ADCY7: variants seen among roughly 807,000 people sequenced by gnomAD.
The protein encoded by ADCY7 is adenylate cyclase type 7.
Under a neutral mutation model 120.6 loss-of-function variants are expected in ADCY7, and 72 were observed. That is an observed-to-expected ratio of 0.60 (90% CI 0.49 to 0.73). The LOEUF (loss-of-function observed/expected upper bound fraction) is 0.73, where lower values mean the gene tolerates loss of function less well. Among genes scored for constraint, ADCY7 ranks in the 30% least tolerant of loss-of-function variants. ADCY7 has a pLI of 0.00. For synonymous variants in ADCY7, 661 were observed against 628.0 expected, an observed-to-expected ratio of 1.05 and a Z score of -0.78; for missense variants, 1,227 against 1,486.0, an observed-to-expected ratio of 0.83 and a Z score of 2.87.
At chr16:50,263,998 A>G (rs1596805894), upstream of ADCY7, among the ~76,000 whole-genome samples, 1 of 152,178 alleles carries the variant, frequency 6.6e-6, no homozygotes, top group Admixed American at 6.5e-5. Context: ...GGTAATTTAC[A>G]TACAGGCAAG....
rs1306531246 is a variant in ADCY7, at chr16:50,290,646, T to C, written c.361T>C (p.Cys121Arg). 1 of 1,613,464 alleles carries C rather than the reference T, an allele frequency of 6.2e-7. No individual in the cohort carries two copies. Among genetic ancestry groups the C allele is most frequent in the Admixed American group, 1.7e-5 (1 of 60,004 alleles). ...GTTCGACGCATGGACAAAGGCGGCCTGTGCGTGGGAGCAGGTAACAGGAAC... is the reference window on the plus strand; with the variant it reads ...GTTCGACGCATGGACAAAGGCGGCCCGTGCGTGGGAGCAGGTAACAGGAAC... ...LVFDAWTKAACAWEQVPFFLF... is the reference protein window; with the variant it reads ...LVFDAWTKAARAWEQVPFFLF... The change falls in exon 3 of 26, where the codon TGT becomes CGT. Residue 121 changes from cysteine (C) to arginine (R), a missense_variant. This residue lies in a region of ADCY7 where 382 missense variants were observed against 411.4 expected (regional missense o/e 0.93). Transcript: ENST00000673801.
rs966714090 is a variant in ADCY7, at chr16:50,308,588, C to T, written c.1936-79C>T. On this transcript the variant is annotated intron_variant, in intron 16 of 25. Transcript: ENST00000673801. ...GCCCTGGAGGCTTCTCCCGAGGATA[C>T]CCCTCCCCAGGCTGCCAGCGACCAG... 3.9e-6 allele frequency: 6 copies of T among 1,558,258 alleles called. No individual in the cohort carries two copies. In the South Asian group the frequency reaches 4.8e-5, roughly 12 times the overall value.
intron 1 of ADCY7, among the ~76,000 whole-genome samples, chr16:50,267,670 C>G (rs1041190749): frequency 6.6e-6 from 1 of 152,034 alleles, no homozygotes; most frequent in Non-Finnish European, 1.5e-5. Context: ...GGGGTTCTAG[C>G]CTGTGTGTGG....
upstream of ADCY7, chr16:50,266,374 A>C (rs140874000): frequency 8.5e-5 from 13 of 152,790 alleles, no homozygotes; most frequent in African/African-American, 3.1e-4. Flanking sequence ...AAGTCATTGG[A>C]GCCCGACAGC....
Position 50,258,193 on chromosome 16 carries a change from G to A in ADCY7, c.-64+11990G>A, listed in dbSNP as rs189823894. ...GGAGGCTGCAGTGAGCTATGACTGCGCCACTGCACTCCAGCCTGGGTGACA... is the reference window on the plus strand; with the variant it reads ...GGAGGCTGCAGTGAGCTATGACTGCACCACTGCACTCCAGCCTGGGTGACA... On this transcript the variant is annotated intron_variant, in intron 1 of 4. Coordinates refer to the ADCY7 transcript ENST00000564044. Among the ~76,000 whole-genome samples the A allele has an allele frequency of 3.9e-3, 591 of 152,194 alleles. 4 individuals are homozygous for A. The highest frequency in any genetic ancestry group is 0.014 in the African/African-American group (562 of 41,510).
chr16:50,304,304 T>C (rs1477070312), intron 10 of ADCY7, 56 bp from the exon 11 acceptor site: 12 of 1,360,480 alleles, frequency 8.8e-6, no homozygotes, highest in Non-Finnish European at 1.1e-5. Flanking sequence ...TGGCGGCCCC[T>C]TCCTGGGCCG....
At chr16:50,310,354 G>A (rs2036373198) in intron 18 of ADCY7, 2 of 1,030,924 alleles carry the variant, frequency 1.9e-6, no homozygotes, top group Non-Finnish European at 2.9e-6. Context: ...GAGCAGGGCA[G>A]AGGTCCTTTG....
intron 8 of ADCY7, among the ~76,000 whole-genome samples, chr16:50,299,505 G>A (rs2035576804): frequency 6.6e-6 from 1 of 152,244 alleles, no homozygotes. Context: ...AGCAGCTGGG[G>A]TCTGTGGGAG....
At chr16:50,283,536 G>A (rs2034404387) in intron 1 of ADCY7, among the ~76,000 whole-genome samples, 1 of 152,270 alleles carries the variant, frequency 6.6e-6, no homozygotes. Flanking sequence ...GGGTCATGTG[G>A]CCCATGAACC....
intron 18 of ADCY7, 43 bp from the exon 19 acceptor site, chr16:50,310,644 G>A (rs779404529): frequency 1.4e-5 from 23 of 1,607,378 alleles, no homozygotes; most frequent in South Asian, 4.4e-5. Context: ...GCGAGAGTAC[G>A]TGGTGGGGTG....
rs559052964 is a variant in ADCY7, at chr16:50,309,432, A to G, written c.2062-116A>G. ...TTGAGCCGTGCTCAGAGCTGATCCCAACGTGAAACCTCAGGCTGCTGTGAT... is the reference window on the plus strand; with the variant it reads ...TTGAGCCGTGCTCAGAGCTGATCCCGACGTGAAACCTCAGGCTGCTGTGAT... On this transcript the variant is annotated intron_variant, in intron 17 of 25. Coordinates refer to ENST00000673801, the MANE Select transcript of ADCY7 (RefSeq NM_001114.5). 139 of 808,864 alleles carry G rather than the reference A, an allele frequency of 1.7e-4. 1 individual carries two copies. The East Asian group carries it at 3.4e-3, about 20-fold the overall frequency. 50.1% of individuals were successfully genotyped at this position (808,864 alleles called of 1,614,324 possible). A position where few individuals can be genotyped will look rare whatever the true frequency, so the allele number is the denominator to read the frequency against.
intron 1 of ADCY7, among the ~76,000 whole-genome samples, chr16:50,283,208 C>G (rs576555461): frequency 1.3e-5 from 2 of 152,340 alleles, no homozygotes; most frequent in East Asian, 3.9e-4. Context: ...GACAGAAGCT[C>G]AAACTGGCTG....
chr16:50,291,152 C>T (rs1263193826), intron 3 of ADCY7, among the ~76,000 whole-genome samples: 1 of 152,126 alleles, frequency 6.6e-6, no homozygotes, highest in East Asian at 1.9e-4. Context: ...TGGTCATGGG[C>T]CCAGTCCCAG....
At chr16:50,315,330 G>A in intron 25 of ADCY7, 29 bp from the exon 26 acceptor site, 1 of 1,597,764 alleles carries the variant, frequency 6.3e-7, no homozygotes, top group Non-Finnish European at 8.6e-7. Flanking sequence ...TCCCGCCTCT[G>A]AAGACAACAG....
chr16:50,277,662 T>C (rs1287222797), intron 1 of ADCY7, among the ~76,000 whole-genome samples: 1 of 145,904 alleles, frequency 6.9e-6, no homozygotes, highest in Non-Finnish European at 1.5e-5. Flanking sequence ...CTGGCTACCA[T>C]GGTAGGTTTT....
Position 50,304,913 on chromosome 16 carries a change from C to A in ADCY7, c.1561-12C>A, listed in dbSNP as rs757584551. The stretch of plus-strand genomic sequence containing the variant: ...GGGGAATGACTGTATCCTTTCCTCC[C>A]TTCCCTTTCAGAGCGTTCCCCAGCG... On this transcript the variant is annotated splice_polypyrimidine_tract_variant and intron_variant, in intron 11 of 25. Transcript: ENST00000673801. 1.2e-6 allele frequency: 2 copies of A among 1,613,638 alleles called. No homozygotes were observed. The highest frequency in any genetic ancestry group is 1.7e-6 in the Non-Finnish European group (2 of 1,180,024).
upstream of ADCY7, among the ~76,000 whole-genome samples, chr16:50,244,739 A>T (rs2032532404): frequency 6.6e-6 from 1 of 152,182 alleles, no homozygotes; most frequent in Non-Finnish European, 1.5e-5. Context: ...GGGAGGCCCC[A>T]GCTGCTCAGA....
intron 1 of ADCY7, among the ~76,000 whole-genome samples, chr16:50,284,509 T>C (rs1049371316): frequency 1.9e-4 from 29 of 152,252 alleles, no homozygotes; most frequent in African/African-American, 6.8e-4. Context: ...TGCACGTGTC[T>C]GGCCGCCTCA....
upstream of ADCY7, among the ~76,000 whole-genome samples, chr16:50,265,255 C>T (rs2033169650): frequency 6.6e-6 from 1 of 152,206 alleles, no homozygotes; most frequent in Non-Finnish European, 1.5e-5. Flanking sequence ...TGTTCCTTCT[C>T]TGCTCTGGGA....
Sources: allele counts gnomAD v4.1 joint callset (sites outside exome capture counted in the v4.1 genomes callset), GRCh38; gene constraint gnomAD v4.1.1; regional missense constraint gnomAD v4.1.1; transcripts MANE v1.5; gene names NCBI Gene and HGNC (gene_info 2026-07-23, HGNC 2026-07-21).